The following STARD13 variants were observed in gnomAD, a reference collection of about 807,000 sequenced individuals.
STARD13 encodes the protein stAR-related lipid transfer protein 13.
STARD13 carries 62 observed loss-of-function variants against 106.4 expected under a neutral mutation model. That is an observed-to-expected ratio of 0.58 (90% CI 0.48 to 0.72). The LOEUF is 0.72. Ranked by LOEUF, STARD13 falls within the 30% of genes least tolerant of loss-of-function variation. STARD13 has a pLI of 0.00. For missense variants in STARD13, 1,387 were observed against 1,424.0 expected, an observed-to-expected ratio of 0.97 and a Z score of 0.42; for synonymous variants, 565 against 553.0, an observed-to-expected ratio of 1.02 and a Z score of -0.31.
At chr13:33,566,740 T>A in the STARD13 span, among the ~76,000 whole-genome samples, 1 of 147,764 alleles carries the variant, frequency 6.8e-6, no homozygotes, top group Non-Finnish European at 1.5e-5. Context: ...TCGCAAGTCT[T>A]TTATAGAATT....
At chr13:33,189,534 T>C (rs1594077937) in intron 1 of STARD13, among the ~76,000 whole-genome samples, 1 of 151,646 alleles carries the variant, frequency 6.6e-6, no homozygotes, top group Admixed American at 6.6e-5. Context: ...GGCACTTTCA[T>C]AGGCTAGCAG....
chr13:33,175,951 T>C (rs1037469927), intron 1 of STARD13, among the ~76,000 whole-genome samples: 11 of 152,190 alleles, frequency 7.2e-5, no homozygotes, highest in Non-Finnish European at 1.3e-4. Context: ...GATTTCATGA[T>C]AGCAGGGGAA....
the STARD13 span, among the ~76,000 whole-genome samples, chr13:33,437,271 T>C: frequency 1.3e-5 from 2 of 152,128 alleles, no homozygotes; most frequent in Non-Finnish European, 2.9e-5. Context: ...CCCAGTCACG[T>C]GTACCCCCTG....
chr13:33,266,379 T>G (rs1206455744), intron 1 of STARD13, among the ~76,000 whole-genome samples: 1 of 152,208 alleles, frequency 6.6e-6, no homozygotes, highest in African/African-American at 2.4e-5. Context: ...CAAACCCATG[T>G]TTATCTATTC....
intron 1 of STARD13, among the ~76,000 whole-genome samples, chr13:33,234,010 C>A (rs1319469367): frequency 6.6e-6 from 1 of 152,230 alleles, no homozygotes; most frequent in African/African-American, 2.4e-5. Flanking sequence ...GCATCAAATG[C>A]ACCAGGCCCT....
the STARD13 span, among the ~76,000 whole-genome samples, chr13:33,465,345 A>G: frequency 5.3e-5 from 8 of 151,430 alleles, no homozygotes; most frequent in African/African-American, 1.9e-4. Flanking sequence ...AGCTGGGACT[A>G]CAGGTGCCCG....
At chr13:33,184,485 G>A (rs1281432985) in intron 1 of STARD13, among the ~76,000 whole-genome samples, 1 of 152,214 alleles carries the variant, frequency 6.6e-6, no homozygotes, top group East Asian at 1.9e-4. Context: ...GAAAGAGACA[G>A]TAAGTTGGAA....
chr13:33,634,693 G>A, the STARD13 span, among the ~76,000 whole-genome samples: 4 of 151,144 alleles, frequency 2.6e-5, no homozygotes, highest in Admixed American at 1.3e-4. Context: ...GATAAACACC[G>A]CCCTGCCCCG....
chr13:33,535,609 C>G, the STARD13 span, among the ~76,000 whole-genome samples: 1 of 152,054 alleles, frequency 6.6e-6, no homozygotes, highest in Non-Finnish European at 1.5e-5. Context: ...ATAACAAAGG[C>G]CTGCTCCAAA....
the STARD13 span, among the ~76,000 whole-genome samples, chr13:33,441,543 A>G: frequency 4.6e-5 from 7 of 152,202 alleles, no homozygotes; most frequent in Non-Finnish European, 8.8e-5. Flanking sequence ...GTAAGTACAA[A>G]AATTCAGGGG....
the STARD13 span, among the ~76,000 whole-genome samples, chr13:33,610,810 G>A: frequency 6.6e-6 from 1 of 152,182 alleles, no homozygotes; most frequent in East Asian, 1.9e-4. Context: ...AGCCCACCGC[G>A]GGCCACTGCG....
At chr13:33,222,758 G>A (rs1287081869) in intron 1 of STARD13, among the ~76,000 whole-genome samples, 1 of 152,194 alleles carries the variant, frequency 6.6e-6, no homozygotes, top group East Asian at 1.9e-4. Context: ...ATGTGTAAAT[G>A]GCAAGGCCCT....
chr13:33,149,938 C>G (rs942881574), intron 3 of STARD13, among the ~76,000 whole-genome samples: 10 of 152,200 alleles, frequency 6.6e-5, no homozygotes, highest in Non-Finnish European at 1.3e-4. Context: ...ATATAAAATC[C>G]TTCAGATAAT....
At chr13:33,614,449 G>T in the STARD13 span, among the ~76,000 whole-genome samples, 3 of 152,142 alleles carry the variant, frequency 2.0e-5, no homozygotes, top group Non-Finnish European at 2.9e-5. Flanking sequence ...CAGCCAGCTG[G>T]TGGGCCACAG....
At chr13:33,457,152 AT>A in the STARD13 span, among the ~76,000 whole-genome samples, 2 of 152,224 alleles carry the variant, frequency 1.3e-5, no homozygotes, top group South Asian at 4.1e-4. Flanking sequence ...GGCAAGGAGG[AT>A]AGATATGGAA....
chr13:33,350,484 C>T, exon 1 of STARD13: 1 of 1,484,694 alleles, frequency 6.7e-7, no homozygotes, highest in Non-Finnish European at 9.0e-7. Flanking sequence ...ACTCAGACTC[C>T]CGGCGACTGG....
At chr13:33,179,884 C>T (rs1042486559) in intron 1 of STARD13, among the ~76,000 whole-genome samples, 3 of 152,190 alleles carry the variant, frequency 2.0e-5, no homozygotes, top group African/African-American at 4.8e-5. Flanking sequence ...CCATAAACAA[C>T]CCATCTTCTT....
chr13:33,392,439 G>A, the STARD13 span, among the ~76,000 whole-genome samples: 2 of 152,046 alleles, frequency 1.3e-5, no homozygotes, highest in African/African-American at 2.4e-5. Context: ...TCACTCTGTC[G>A]CCCAGGCTGG....
chr13:33,577,892 T>C, the STARD13 span, among the ~76,000 whole-genome samples: 1 of 152,092 alleles, frequency 6.6e-6, no homozygotes, highest in Non-Finnish European at 1.5e-5. Flanking sequence ...AACTTCTGTT[T>C]TGTGAAAGAT....
Sources: allele counts gnomAD v4.1 joint callset (sites outside exome capture counted in the v4.1 genomes callset), GRCh38; gene constraint gnomAD v4.1.1; transcripts MANE v1.5; gene names NCBI Gene and HGNC (gene_info 2026-07-23, HGNC 2026-07-21).